Variants in WASHC2C observed in about 807,000 individuals in gnomAD.
WASHC2C encodes the protein Vaccinia Penetration Factor.
A neutral mutation model predicts 142.2 loss-of-function variants in WASHC2C; 73 were observed. The ratio of observed to expected loss-of-function variants is 0.51; its 90% confidence interval spans 0.43 to 0.62. The LOEUF is 0.62. Among genes scored for constraint, WASHC2C ranks in the 20% least tolerant of loss-of-function variants. WASHC2C has a pLI of 0.00. For synonymous variants in WASHC2C, 337 were observed against 565.5 expected, an observed-to-expected ratio of 0.60 and a Z score of 5.73; for missense variants, 969 against 1,531.7, an observed-to-expected ratio of 0.63 and a Z score of 6.13.
intron 5 of WASHC2C, among the ~76,000 whole-genome samples, chr10:45,742,874 T>C (rs2052292565): frequency 6.7e-6 from 1 of 148,708 alleles, no homozygotes; most frequent in South Asian, 2.1e-4. Context: ...TGGCATCTTT[T>C]TTCTTTTTTT....
chr10:45,792,030 C>T (rs1485788827), intron 30 of WASHC2C, among the ~76,000 whole-genome samples: 1 of 145,046 alleles, frequency 6.9e-6, no homozygotes, highest in Non-Finnish European at 1.5e-5. Flanking sequence ...CACATACATA[C>T]ACTTTTGTAG....
intron 26 of WASHC2C, among the ~76,000 whole-genome samples, chr10:45,786,128 G>C (rs2058024002): frequency 6.6e-6 from 1 of 152,090 alleles, no homozygotes; most frequent in Non-Finnish European, 1.5e-5. Context: ...CCACGTGCAG[G>C]TGTCCCAGGG....
chr10:45,756,710 T>C (rs1156392945), intron 15 of WASHC2C, among the ~76,000 whole-genome samples: 1 of 152,240 alleles, frequency 6.6e-6, no homozygotes, highest in African/African-American at 2.4e-5. Flanking sequence ...TTTCTTCCTC[T>C]AGATCTCTCT....
chr10:45,780,454 A>G (rs1472883402), intron 23 of WASHC2C, among the ~76,000 whole-genome samples: 2 of 151,978 alleles, frequency 1.3e-5, no homozygotes, highest in African/African-American at 4.8e-5. Flanking sequence ...ACAACACAAC[A>G]ATGTCCACTC....
intron 23 of WASHC2C, among the ~76,000 whole-genome samples, chr10:45,780,750 CTTTCT>C (rs2057431057): frequency 6.8e-6 from 1 of 146,312 alleles, no homozygotes; most frequent in Non-Finnish European, 1.5e-5. Context: ...CTACTAGTAA[CTTTCT>C]TTTTTTTTTT....
intron 23 of WASHC2C, among the ~76,000 whole-genome samples, chr10:45,784,289 T>TATATATATATATATATACAC (rs1333007505): frequency 3.4e-4 from 6 of 17,720 alleles, no homozygotes; most frequent in Admixed American, 9.7e-4. Context: ...TATATATATA[T>TATATATATATATATATACAC]ACACATATAT....
chr10:45,765,617 G>A, intron 18 of WASHC2C, 62 bp from the exon 19 acceptor site: 1 of 1,600,052 alleles, frequency 6.2e-7, no homozygotes, highest in Admixed American at 1.7e-5. Flanking sequence ...TTTGATATAG[G>A]AGGACATCCT....
In WASHC2C at chr10:45,727,304, G is replaced by A; in HGVS notation, c.-14G>A. 6.4e-7 allele frequency: 1 copy of A among 1,567,162 alleles called. No homozygotes were observed. ...TGCTGGCAGCCTCGGAGCCCACCGA[G>A]CCGGGCGGCTGGGATGGTGAGGGCG... On this transcript the variant is annotated 5_prime_UTR_variant, in exon 1 of 31. Coordinates refer to ENST00000623400, the MANE Select transcript of WASHC2C (RefSeq NM_001330074.2).
At chr10:45,749,834 A>AT (rs1554873189) in intron 8 of WASHC2C, among the ~76,000 whole-genome samples, 8 of 62,850 alleles carry the variant, frequency 1.3e-4, no homozygotes, top group East Asian at 1.1e-3. Context: ...TCAAAAAAAA[A>AT]AAATATATAT....
intron 3 of WASHC2C, among the ~76,000 whole-genome samples, chr10:45,733,466 C>T (rs1252379387): frequency 6.6e-6 from 1 of 152,022 alleles, no homozygotes; most frequent in African/African-American, 2.4e-5. Context: ...AGGAGCAATA[C>T]CAAAGATATT....
At chr10:45,746,732 A>G in intron 8 of WASHC2C, 85 bp downstream of exon 8, 2 of 1,563,884 alleles carry the variant, frequency 1.3e-6, no homozygotes, top group South Asian at 1.1e-5. Flanking sequence ...GGAATGATTT[A>G]TGACCAAGTG....
chr10:45,746,931 A>T (rs1409855230), intron 8 of WASHC2C, among the ~76,000 whole-genome samples: 4 of 152,322 alleles, frequency 2.6e-5, no homozygotes, highest in African/African-American at 9.6e-5. Context: ...ACCCAAACTG[A>T]ACTACTTTGC....
At chr10:45,752,393 C>CAG (rs2053713695) in intron 11 of WASHC2C, among the ~76,000 whole-genome samples, 195 bp from the exon 12 acceptor site, 1 of 152,276 alleles carries the variant, frequency 6.6e-6, no homozygotes, top group Non-Finnish European at 1.5e-5. Flanking sequence ...AGTGGAGGCC[C>CAG]AGAGAGTCTT....
chr10:45,765,900 A>G (rs1336224814), intron 19 of WASHC2C, 90 bp downstream of exon 19: 2 of 1,542,258 alleles, frequency 1.3e-6, no homozygotes, highest in African/African-American at 2.8e-5. Flanking sequence ...CCTGTTTTAT[A>G]TCTCGTGATG....
At chr10:45,730,884 G>A (rs1355470213) in intron 3 of WASHC2C, among the ~76,000 whole-genome samples, 6 of 152,068 alleles carry the variant, frequency 3.9e-5, no homozygotes, top group African/African-American at 9.7e-5. Context: ...CTCCCAAAGT[G>A]CTGGGATTAC....
intron 13 of WASHC2C, 28 bp from the exon 14 acceptor site, chr10:45,754,458 A>G (rs1554876281): frequency 2.5e-6 from 4 of 1,593,610 alleles, no homozygotes; most frequent in Non-Finnish European, 3.4e-6. Context: ...CCCTTGTAAA[A>G]TGGTTACCCC....
chr10:45,753,367 G>T (rs189197527), intron 13 of WASHC2C, 130 bp downstream of exon 13: 19 of 992,666 alleles, frequency 1.9e-5, no homozygotes, highest in South Asian at 1.2e-4. Context: ...TTTTTACTGC[G>T]GTCCAGTTGA....
At position 45,739,438 on chromosome 10, in the gene WASHC2C, G is replaced by A. The variant is rs1326888120; in HGVS notation, c.355-635G>A. Among the ~76,000 whole-genome samples the A allele has an allele frequency of 2.0e-5, 3 of 151,132 alleles. No homozygotes were observed. In the East Asian group the frequency reaches 5.8e-4, roughly 29 times the overall value. On this transcript the variant is annotated intron_variant, in intron 4 of 30. Coordinates refer to ENST00000623400, the MANE Select transcript of WASHC2C (RefSeq NM_001330074.2). Reference sequence around the variant, plus strand: ...TCTGTGGGGACTGCCATTGAGAACTGCTGTTGCAGGAAGAAGACACCTGAG... The same window carrying A: ...TCTGTGGGGACTGCCATTGAGAACTACTGTTGCAGGAAGAAGACACCTGAG...
At chr10:45,788,015 A>T (rs1424074383) in intron 28 of WASHC2C, among the ~76,000 whole-genome samples, 2 of 152,206 alleles carry the variant, frequency 1.3e-5, no homozygotes, top group Admixed American at 1.3e-4. Context: ...ACACAGAATG[A>T]CCTACCCTGA....
Sources: allele counts gnomAD v4.1 joint callset (sites outside exome capture counted in the v4.1 genomes callset), GRCh38; gene constraint gnomAD v4.1.1; transcripts MANE v1.5; gene names NCBI Gene and HGNC (gene_info 2026-07-23, HGNC 2026-07-21).